FILIP1L: variants seen among roughly 807,000 people sequenced by gnomAD.
The protein encoded by FILIP1L is filamin A interacting protein 1 like, also known as filamin A-interacting protein 1-like.
FILIP1L carries 55 observed loss-of-function variants against 96.6 expected under a neutral mutation model. The ratio of observed to expected loss-of-function variants is 0.57; its 90% confidence interval spans 0.46 to 0.71. The LOEUF (loss-of-function observed/expected upper bound fraction) is 0.71, where lower values mean the gene tolerates loss of function less well. Ranked by LOEUF, FILIP1L falls within the 30% of genes least tolerant of loss-of-function variation. The pLI is 0.00. For missense variants in FILIP1L, 1,304 were observed against 1,321.2 expected (o/e 0.99, Z 0.20); for synonymous variants, 467 against 473.9 (o/e 0.99, Z 0.19).
At chr3:99,912,251 T>C (rs1706813555) in intron 4 of FILIP1L, among the ~76,000 whole-genome samples, 1 of 152,206 alleles carries the variant, frequency 6.6e-6, no homozygotes, top group South Asian at 2.1e-4. Flanking sequence ...GACAAATAGC[T>C]ACATCTTGTA....
intron 1 of FILIP1L, among the ~76,000 whole-genome samples, chr3:99,931,725 C>T (rs1294523857): frequency 6.6e-6 from 1 of 152,158 alleles, no homozygotes; most frequent in Admixed American, 6.5e-5. Flanking sequence ...AGCGGAGATA[C>T]TACTACCTAA....
At chr3:99,907,172 A>T (rs1481751157) in intron 4 of FILIP1L, among the ~76,000 whole-genome samples, 1 of 152,178 alleles carries the variant, frequency 6.6e-6, no homozygotes. Context: ...TGTACTCTTA[A>T]TACTTTGTCA....
At chr3:100,044,004 G>A (rs1186677000) in intron 1 of FILIP1L, among the ~76,000 whole-genome samples, 1 of 152,142 alleles carries the variant, frequency 6.6e-6, no homozygotes, top group Non-Finnish European at 1.5e-5. Context: ...CACGTTGTTG[G>A]AAGGACAGAA....
chr3:100,069,140 C>T (rs191737885), intron 1 of FILIP1L, among the ~76,000 whole-genome samples: 3 of 152,288 alleles, frequency 2.0e-5, no homozygotes, highest in Admixed American at 2.0e-4. Context: ...TTCTGTAAGG[C>T]TCCTACTCCT....
At chr3:99,864,242 C>G (rs1230137216) in intron 4 of FILIP1L, among the ~76,000 whole-genome samples, 1 of 151,958 alleles carries the variant, frequency 6.6e-6, no homozygotes, top group Non-Finnish European at 1.5e-5. Context: ...AACTGAGGCC[C>G]AGGCAGATTA....
chr3:99,977,808 T>A (rs1709014483), intron 1 of FILIP1L, among the ~76,000 whole-genome samples: 1 of 152,180 alleles, frequency 6.6e-6, no homozygotes, highest in African/African-American at 2.4e-5. Context: ...TCTGATGGCC[T>A]AAACCTAGGC....
At chr3:99,844,640 G>A (rs1943281631) in intron 5 of FILIP1L, among the ~76,000 whole-genome samples, 2 of 152,074 alleles carry the variant, frequency 1.3e-5, no homozygotes, top group Admixed American at 1.3e-4. Context: ...TAAAATTTTT[G>A]ATAAAATATC....
intron 1 of FILIP1L, among the ~76,000 whole-genome samples, chr3:99,931,613 G>C (rs939837186): frequency 1.3e-5 from 2 of 152,194 alleles, no homozygotes; most frequent in Non-Finnish European, 2.9e-5. Context: ...AGGAATGAAG[G>C]CTTGGTCCCT....
At chr3:99,893,833 G>T (rs7636447) in intron 4 of FILIP1L, among the ~76,000 whole-genome samples, 4 of 151,894 alleles carry the variant, frequency 2.6e-5, no homozygotes, top group Non-Finnish European at 5.9e-5. Flanking sequence ...ATATCTTTAG[G>T]TTTTACTTCC....
intron 5 of FILIP1L, among the ~76,000 whole-genome samples, chr3:99,844,325 T>A (rs977682256): frequency 6.6e-6 from 1 of 152,214 alleles, no homozygotes; most frequent in African/African-American, 2.4e-5. Context: ...ACAGGTATCT[T>A]GGATTTTACT....
chr3:100,009,249 T>C (rs1338502514), intron 1 of FILIP1L, among the ~76,000 whole-genome samples: 4 of 152,220 alleles, frequency 2.6e-5, no homozygotes, highest in Non-Finnish European at 1.5e-5. Flanking sequence ...ATCAAGAATA[T>C]AAGATCTATC....
chr3:100,104,111 G>C (rs1359752711), intron 1 of FILIP1L, among the ~76,000 whole-genome samples: 9 of 152,206 alleles, frequency 5.9e-5, no homozygotes, highest in Non-Finnish European at 1.3e-4. Context: ...ACTGCTCTCT[G>C]TGTGTGTTTG....
chr3:99,985,254 C>T (rs867119019), intron 1 of FILIP1L, among the ~76,000 whole-genome samples: 5 of 152,106 alleles, frequency 3.3e-5, no homozygotes, highest in Non-Finnish European at 4.4e-5. Flanking sequence ...ATCTAGGGCC[C>T]ATCATGGTGG....
At chr3:100,097,043 AGGAGGTGAG>A (rs2066222108) in intron 1 of FILIP1L, among the ~76,000 whole-genome samples, 1 of 152,200 alleles carries the variant, frequency 6.6e-6, no homozygotes, top group African/African-American at 2.4e-5. Flanking sequence ...GCCACAAAGC[AGGAGGTGAG>A]CAGCAGGCAA....
chr3:100,069,617 C>G (rs971971502), intron 1 of FILIP1L, among the ~76,000 whole-genome samples: 1 of 152,138 alleles, frequency 6.6e-6, no homozygotes, highest in Non-Finnish European at 1.5e-5. Context: ...ACAGTTTATA[C>G]TCTTAAGAAT....
At chr3:99,991,976 A>G (rs569245106) in intron 1 of FILIP1L, among the ~76,000 whole-genome samples, 1 of 148,158 alleles carries the variant, frequency 6.7e-6, no homozygotes, top group Non-Finnish European at 1.5e-5. Context: ...ATATACACAC[A>G]TATATGTGTA....
intron 5 of FILIP1L, among the ~76,000 whole-genome samples, chr3:99,833,931 A>G (rs560976666): frequency 6.6e-6 from 1 of 152,392 alleles, no homozygotes; most frequent in African/African-American, 2.4e-5. Flanking sequence ...ATGGGAAAGT[A>G]TATAAGCAAT....
chr3:100,011,720 A>G (rs914484463), intron 1 of FILIP1L: 1 of 152,080 alleles, frequency 6.6e-6, no homozygotes, highest in Non-Finnish European at 1.5e-5. Flanking sequence ...TCCCATCTCT[A>G]CCCATAGGCT....
chr3:100,086,589 G>A (rs1278498408), intron 1 of FILIP1L, among the ~76,000 whole-genome samples: 1 of 152,102 alleles, frequency 6.6e-6, no homozygotes, highest in African/African-American at 2.4e-5. Flanking sequence ...TTACCCACCA[G>A]GCTAACGTCC....
Sources: gnomAD v4.1 joint callset for allele counts (sites outside exome capture counted in the v4.1 genomes callset) on GRCh38, gnomAD v4.1.1 for gene constraint, MANE v1.5 for transcripts, NCBI Gene and HGNC (gene_info 2026-07-23, HGNC 2026-07-21) for gene names.